The following PMEPA1 variants were observed in gnomAD, a reference collection of about 807,000 sequenced individuals.
PMEPA1 encodes the protein prostate transmembrane protein, androgen induced 1.
In PMEPA1, 11 loss-of-function variants were observed where a neutral mutation model predicts 23.0. That is an observed-to-expected ratio of 0.48 (90% CI 0.30 to 0.79). PMEPA1 has a LOEUF of 0.79. Among genes scored for constraint, PMEPA1 ranks in the 30% least tolerant of loss-of-function variants. PMEPA1 has a pLI of 0.06. For missense variants in PMEPA1, 377 were observed against 390.9 expected (o/e 0.96, Z 0.30); for synonymous variants, 204 against 166.4 (o/e 1.23, Z -1.74).
rs772483041 is a variant in PMEPA1 at position 57,649,721 on chromosome 20, C to T, written c.*2332G>A. The T allele has an allele frequency of 6.6e-6, 1 of 152,506 alleles. No individual in the cohort carries two copies. Among genetic ancestry groups the T allele is most frequent in the Non-Finnish European group, 1.5e-5 (1 of 68,042 alleles). The allele number at this position is 152,506 out of a possible 1,614,324, so 9.4% of individuals were successfully genotyped here. A position where few individuals can be genotyped will look rare whatever the true frequency, so the allele number is the denominator to read the frequency against. ...GAGGAGCAGGAGTAACCTCACCAAG[C>T]TAGGCACCTCCCTGGTAGAGACAGG... is the stretch of plus-strand genomic sequence containing the variant. On this transcript the variant is annotated 3_prime_UTR_variant, in exon 4 of 4. Coordinates refer to ENST00000341744, the MANE Select transcript of PMEPA1 (RefSeq NM_020182.5).
At chr20:57,653,278 C>T (rs1310398664) in intron 2 of PMEPA1, among the ~76,000 whole-genome samples, 192 bp from the exon 3 acceptor site, 1 of 152,198 alleles carries the variant, frequency 6.6e-6, no homozygotes, top group Admixed American at 6.5e-5. Context: ...CAATCACCTC[C>T]TCACTGATCC....
chr20:57,670,391 C>A (rs929825605), intron 1 of PMEPA1, among the ~76,000 whole-genome samples: 77 of 152,268 alleles, frequency 5.1e-4, no homozygotes, highest in Non-Finnish European at 7.5e-4. Context: ...GCCTCAAGCC[C>A]CAGGATCCAC....
intron 1 of PMEPA1, among the ~76,000 whole-genome samples, chr20:57,698,131 G>C (rs901876418): frequency 6.6e-6 from 1 of 152,168 alleles, no homozygotes; most frequent in Non-Finnish European, 1.5e-5. Flanking sequence ...AGCCTGCTCA[G>C]AGATCAAGAT....
intron 1 of PMEPA1, among the ~76,000 whole-genome samples, chr20:57,707,602 C>T (rs1396273628): frequency 2.6e-5 from 4 of 151,484 alleles, no homozygotes; most frequent in Non-Finnish European, 4.4e-5. Context: ...TCAAAAACAT[C>T]ATGGACTGAT....
At chr20:57,692,548 A>G (rs946311169) in intron 1 of PMEPA1, among the ~76,000 whole-genome samples, 1 of 152,196 alleles carries the variant, frequency 6.6e-6, no homozygotes, top group Non-Finnish European at 1.5e-5. Flanking sequence ...CCAGGTCTGT[A>G]CCTGGCCTGC....
chr20:57,666,786 C>T (rs559101126), intron 1 of PMEPA1, among the ~76,000 whole-genome samples: 117 of 152,302 alleles, frequency 7.7e-4, no homozygotes, highest in Non-Finnish European at 1.2e-3. Context: ...ATAACACAGA[C>T]GCTGACAGCT....
At chr20:57,678,838 C>T (rs2071673206) in intron 1 of PMEPA1, among the ~76,000 whole-genome samples, 1 of 152,156 alleles carries the variant, frequency 6.6e-6, no homozygotes, top group African/African-American at 2.4e-5. Flanking sequence ...TTGGGATTCC[C>T]CGATGTAAAG....
At chr20:57,698,270 C>T (rs2071967874) in intron 1 of PMEPA1, among the ~76,000 whole-genome samples, 1 of 152,100 alleles carries the variant, frequency 6.6e-6, no homozygotes, top group Admixed American at 6.5e-5. Flanking sequence ...TTATATTCAC[C>T]CATGTAATTG....
chr20:57,696,709 G>C (rs1158808044), intron 1 of PMEPA1, among the ~76,000 whole-genome samples: 1 of 152,160 alleles, frequency 6.6e-6, no homozygotes, highest in Non-Finnish European at 1.5e-5. Context: ...TCTTGTCTTT[G>C]TTCCTGAACC....
At chr20:57,678,685 CACG>C (rs1347323682) in intron 1 of PMEPA1, among the ~76,000 whole-genome samples, 1 of 152,236 alleles carries the variant, frequency 6.6e-6, no homozygotes, top group Non-Finnish European at 1.5e-5. Context: ...AAATTCTAAA[CACG>C]TCATTTAAAA....
At chr20:57,680,133 C>T (rs761738136) in intron 1 of PMEPA1, among the ~76,000 whole-genome samples, 49 of 152,324 alleles carry the variant, frequency 3.2e-4, no homozygotes, top group Middle Eastern at 6.8e-3. Flanking sequence ...GTAAAAACGA[C>T]TTCTGCCCGT....
At chr20:57,691,696 CCTCA>C (rs2071884091) in intron 1 of PMEPA1, 1 of 152,186 alleles carries the variant, frequency 6.6e-6, no homozygotes, top group Non-Finnish European at 1.5e-5. Context: ...GGACCCTCAC[CCTCA>C]CTCTCACCCC....
intron 1 of PMEPA1, among the ~76,000 whole-genome samples, chr20:57,664,470 T>C (rs203380): frequency 0.5 from 76,440 of 152,152 alleles, 20,016 homozygotes; most frequent in African/African-American, 0.65. Context: ...GCAAAGGCCT[T>C]GGAGTCAAGT....
chr20:57,673,884 G>A (rs1050560798), intron 1 of PMEPA1, among the ~76,000 whole-genome samples: 1 of 152,160 alleles, frequency 6.6e-6, no homozygotes, highest in Non-Finnish European at 1.5e-5. Context: ...CCCTCTCTGG[G>A]CTTGTTTTCC....
At chr20:57,701,643 C>G (rs1223143874) in intron 1 of PMEPA1, among the ~76,000 whole-genome samples, 1 of 152,120 alleles carries the variant, frequency 6.6e-6, no homozygotes, top group African/African-American at 2.4e-5. Context: ...ACATTTTGTA[C>G]CAGAGGTGCT....
intron 1 of PMEPA1, among the ~76,000 whole-genome samples, chr20:57,696,089 T>C (rs952952172): frequency 1.2e-4 from 19 of 152,120 alleles, no homozygotes; most frequent in African/African-American, 4.6e-4. Flanking sequence ...ACCGACAATT[T>C]CTGCTCCCTC....
Position 57,659,678 on chromosome 20 carries a change from C to G in PMEPA1, c.129G>C (p.Gln43His). Residue 43 changes from glutamine (Q) to histidine (H), a missense_variant, in exon 2 of 4, where the codon CAG (glutamine) becomes CAC (histidine). This residue lies in a region of PMEPA1 where 198 missense variants were observed against 196.3 expected (regional missense o/e 1.01). Transcript: ENST00000341744. Reference protein sequence around the residue: ...SMEITELEFVQIIIIVVVMMV... With the variant: ...SMEITELEFVHIIIIVVVMMV... ...TCATCACCACCACGATGATGATGAT[C>G]TGAACAAACTCCAGCTCCGCTGTGG... is the stretch of plus-strand genomic sequence containing the variant. 1 of 1,588,720 alleles carries G rather than the reference C, an allele frequency of 6.3e-7. No individual in the cohort carries two copies. The highest frequency in any genetic ancestry group is 8.6e-7 in the Non-Finnish European group (1 of 1,167,552).
chr20:57,690,449 C>A (rs968526425), intron 1 of PMEPA1: 3 of 1,304,182 alleles, frequency 2.3e-6, no homozygotes, highest in South Asian at 2.5e-5. Context: ...TTATCAAATT[C>A]TTTGAATTTT....
At chr20:57,663,778 G>C (rs1188990199) in intron 1 of PMEPA1, among the ~76,000 whole-genome samples, 1 of 152,206 alleles carries the variant, frequency 6.6e-6, no homozygotes, top group East Asian at 1.9e-4. Flanking sequence ...GAGGTGTTGA[G>C]GGGGGCAAGA....
Sources: allele counts gnomAD v4.1 joint callset (sites outside exome capture counted in the v4.1 genomes callset), GRCh38; gene constraint gnomAD v4.1.1; regional missense constraint gnomAD v4.1.1; transcripts MANE v1.5; gene names NCBI Gene and HGNC (gene_info 2026-07-23, HGNC 2026-07-21).